Variants in LAMTOR3 observed in about 807,000 individuals in gnomAD.
The protein encoded by LAMTOR3 is ragulator complex protein LAMTOR3.
Under a neutral mutation model 20.3 loss-of-function variants are expected in LAMTOR3, and 14 were observed. That is an observed-to-expected ratio of 0.69 (90% CI 0.46 to 1.08). The LOEUF is 1.08. Among genes scored for constraint, LAMTOR3 ranks in the 50% least tolerant of loss-of-function variants. LAMTOR3 has a pLI of 0.00. For synonymous variants in LAMTOR3, 40 were observed against 49.4 expected, an observed-to-expected ratio of 0.81 and a Z score of 0.80; for missense variants, 125 against 143.7, an observed-to-expected ratio of 0.87 and a Z score of 0.67.
chr4:99,894,015 C>T lies in LAMTOR3; in HGVS notation c.-37-15G>A. On this transcript the variant is annotated splice_polypyrimidine_tract_variant and intron_variant, in intron 1 of 6. Transcript: ENST00000499666. ...AATCTCCACGCCTGGAAGAGAAACT[C>T]CCGGTGACTCTTCCCTCTTTGGCTT... The T allele has an allele frequency of 1.3e-6, 2 of 1,484,420 alleles. No individual in the cohort carries two copies. Among genetic ancestry groups the T allele is most frequent in the Non-Finnish European group, 1.8e-6 (2 of 1,101,052 alleles). The allele number at this position is 1,484,420 out of a possible 1,614,324, so 92.0% of individuals were successfully genotyped here.
At chr4:99,883,708 C>T (rs951297741) in intron 6 of LAMTOR3, among the ~76,000 whole-genome samples, 1 of 151,650 alleles carries the variant, frequency 6.6e-6, no homozygotes, top group African/African-American at 2.4e-5. Context: ...GTTATCTTCA[C>T]CTTGTTTTCT....
At chr4:99,882,758 A>G (rs141289096) in intron 6 of LAMTOR3, among the ~76,000 whole-genome samples, 82 of 152,202 alleles carry the variant, frequency 5.4e-4, no homozygotes, top group African/African-American at 1.9e-3. Context: ...TATAAATTTG[A>G]CAAAGCTAAG....
At position 99,885,570 on chromosome 4, in the gene LAMTOR3, C is replaced by G. The variant is rs1277081072; in HGVS notation, c.209G>C (p.Ser70Thr). ...GTAGGTGTTATAGTAACAGATGATACTTTTATTTTTGGAAAGTCCAAGTTT... is the reference window on the plus strand; with the variant it reads ...GTAGGTGTTATAGTAACAGATGATAGTTTTATTTTTGGAAAGTCCAAGTTT... ...GSKLGLSKNK[S>T]IICYYNTYQV... Residue 70 changes from serine to threonine, a missense_variant, in exon 5 of 7, where the codon AGT becomes ACT. Physicochemically the swap from Ser to Thr is moderately conservative, Grantham distance 58 (BLOSUM62 1). This residue lies in a region of LAMTOR3 where 99 missense variants were observed against 96.0 expected (regional missense o/e 1.03). Coordinates refer to ENST00000499666, the MANE Select transcript of LAMTOR3 (RefSeq NM_021970.4). 3 of 1,612,454 alleles carry G rather than the reference C, an allele frequency of 1.9e-6. No homozygotes were observed. In the Admixed American group the frequency reaches 5.0e-5, roughly 27 times the overall value.
intron 3 of LAMTOR3, among the ~76,000 whole-genome samples, chr4:99,887,801 T>C (rs978824389): frequency 1.3e-5 from 2 of 152,212 alleles, no homozygotes; most frequent in Admixed American, 6.5e-5. Flanking sequence ...TGGCTTCCAA[T>C]GTAAAAAGTG....
chr4:99,890,306 A>G (rs921559806), intron 3 of LAMTOR3, among the ~76,000 whole-genome samples: 2 of 152,342 alleles, frequency 1.3e-5, no homozygotes, highest in Middle Eastern at 6.8e-3. Context: ...TCACAACCAG[A>G]TTTTAAATTG....
upstream of LAMTOR3, chr4:99,894,545 C>T (rs1049057761): frequency 6.7e-6 from 1 of 149,878 alleles, no homozygotes; most frequent in African/African-American, 2.4e-5. Flanking sequence ...CCCCTCCCCT[C>T]CCCCCCGCCC....
intron 3 of LAMTOR3, among the ~76,000 whole-genome samples, chr4:99,887,618 G>T (rs1482386964): frequency 1.3e-5 from 2 of 152,138 alleles, no homozygotes; most frequent in Non-Finnish European, 1.5e-5. Context: ...AACTACTAAT[G>T]AATGATCAGT....
chr4:99,886,162 G>A (rs1350368589), intron 4 of LAMTOR3, among the ~76,000 whole-genome samples: 2 of 152,148 alleles, frequency 1.3e-5, no homozygotes, highest in Non-Finnish European at 2.9e-5. Context: ...TGAGTGCAGG[G>A]CTCAAGGCTT....
intron 2 of LAMTOR3, among the ~76,000 whole-genome samples, chr4:99,893,470 C>T (rs1216704793): frequency 6.6e-6 from 1 of 151,426 alleles, no homozygotes; most frequent in East Asian, 1.9e-4. Context: ...ATTTTATCCT[C>T]CTACACACAC....
intron 3 of LAMTOR3, among the ~76,000 whole-genome samples, chr4:99,889,796 A>C (rs897349202): frequency 6.6e-6 from 1 of 152,206 alleles, no homozygotes; most frequent in Non-Finnish European, 1.5e-5. Context: ...AGGACCACAA[A>C]AATGTTTAGA....
At chr4:99,887,265 A>G in intron 4 of LAMTOR3, 31 bp downstream of exon 4, 1 of 1,416,388 alleles carries the variant, frequency 7.1e-7, no homozygotes, top group Non-Finnish European at 9.7e-7. Context: ...AAAAGCAAAG[A>G]AGACATTTGC....
Position 99,884,180 on chromosome 4 carries a change from C to T in LAMTOR3, c.238-55G>A, listed in dbSNP as rs1724877829. 7.5e-6 allele frequency: 10 copies of T among 1,333,482 alleles called. No homozygotes were observed. In the South Asian group the frequency reaches 1.2e-4, roughly 16 times the overall value. 82.6% of individuals were successfully genotyped at this position (1,333,482 alleles called of 1,614,324 possible). A position where few individuals can be genotyped will look rare whatever the true frequency, so the allele number is the denominator to read the frequency against. Reference sequence around the variant, plus strand: ...GTTGCATTATGAAAAGGTAGTATAACTAAACTGAAATGTCTTAATCTTTCA... The same window carrying T: ...GTTGCATTATGAAAAGGTAGTATAATTAAACTGAAATGTCTTAATCTTTCA... On this transcript the variant is annotated intron_variant, in intron 5 of 6. Coordinates refer to ENST00000499666, the MANE Select transcript of LAMTOR3 (RefSeq NM_021970.4).
At position 99,879,256 on chromosome 4, in the gene LAMTOR3, C is replaced by G. The variant is rs1724773612; in HGVS notation, c.*2738G>C. 1 of 152,092 alleles carries G rather than the reference C, an allele frequency of 6.6e-6. No homozygotes were observed. Among genetic ancestry groups the G allele is most frequent in the Admixed American group, 6.6e-5 (1 of 15,266 alleles). The allele number at this position is 152,092 out of a possible 1,614,324, so 9.4% of individuals were successfully genotyped here. ...AGTTGTGCATTCAGTTCTGTACTACCTTTCAAAAACAGTTAATCTAGGTTT... is the reference window on the plus strand; with the variant it reads ...AGTTGTGCATTCAGTTCTGTACTACGTTTCAAAAACAGTTAATCTAGGTTT... On this transcript the variant is annotated 3_prime_UTR_variant, in exon 7 of 7. Coordinates refer to ENST00000499666, the MANE Select transcript of LAMTOR3 (RefSeq NM_021970.4).
Position 99,887,770 on chromosome 4 carries a change from AGCACAATCATT to A in LAMTOR3, c.45-427_45-417del, listed in dbSNP as rs1318652760. ...TTTGATACTATGAAAAACAGAAATA[AGCACAATCATT>A]GCCTTCACATGGCTTCCAATGTAAA... On this transcript the variant is annotated intron_variant, in intron 3 of 6. Transcript: ENST00000499666. 2.0e-5 allele frequency among the ~76,000 whole-genome samples: 3 copies of A among 152,380 alleles called. No homozygotes were observed. The South Asian group carries it at 6.2e-4, about 32-fold the overall frequency.
intron 6 of LAMTOR3, 96 bp downstream of exon 6, chr4:99,883,966 C>A: frequency 2.3e-6 from 2 of 863,920 alleles, no homozygotes; most frequent in Non-Finnish European, 1.8e-6. Context: ...AGATTTTTGG[C>A]TCTAAATCTA....
At chr4:99,889,360 C>T (rs1724983388) in intron 3 of LAMTOR3, among the ~76,000 whole-genome samples, 1 of 152,128 alleles carries the variant, frequency 6.6e-6, no homozygotes, top group Admixed American at 6.5e-5. Context: ...ACAAATCCAA[C>T]TGTCCATCAA....
chr4:99,890,957 T>A (rs1725011392), intron 3 of LAMTOR3, among the ~76,000 whole-genome samples: 1 of 152,174 alleles, frequency 6.6e-6, no homozygotes, highest in South Asian at 2.1e-4. Context: ...TAAAATGAGA[T>A]CCCCATTGTC....
chr4:99,881,942 G>C lies in LAMTOR3; in HGVS notation c.*52C>G. On this transcript the variant is annotated 3_prime_UTR_variant, in exon 7 of 7. Coordinates refer to ENST00000499666, the MANE Select transcript of LAMTOR3 (RefSeq NM_021970.4). ...ATTGTAGTCTAAAGATTGCTGGATT[G>C]ATATTGTGTTGTTATAATGAAGATA... The C allele has an allele frequency of 8.3e-7, 1 of 1,199,810 alleles. No homozygotes were observed. The allele number at this position is 1,199,810 out of a possible 1,614,324, so 74.3% of individuals were successfully genotyped here.
chr4:99,892,680 A>ACT (rs1553944454), intron 2 of LAMTOR3, among the ~76,000 whole-genome samples: 3 of 143,488 alleles, frequency 2.1e-5, no homozygotes, highest in African/African-American at 7.8e-5. Flanking sequence ...GTGAGGCAAC[A>ACT]TTTTTTTTTT....
Sources: gnomAD v4.1 joint callset for allele counts (sites outside exome capture counted in the v4.1 genomes callset) on GRCh38, gnomAD v4.1.1 for gene constraint, gnomAD v4.1.1 regional missense constraint, MANE v1.5 for transcripts, NCBI Gene and HGNC (gene_info 2026-07-23, HGNC 2026-07-21) for gene names.